Variants in TUSC3 observed in about 807,000 individuals in gnomAD.
TUSC3 encodes tumor suppressor candidate 3.
In TUSC3, 45 loss-of-function variants were observed where a neutral mutation model predicts 44.8. The observed-to-expected ratio is 1.00, with a 90% confidence interval of 0.79 to 1.29. The LOEUF (loss-of-function observed/expected upper bound fraction) is 1.29, where lower values mean the gene tolerates loss of function less well. TUSC3 is among the 50% of genes most tolerant of loss of function. TUSC3 has a pLI of 0.00. For missense variants in TUSC3, 519 were observed against 437.9 expected, an observed-to-expected ratio of 1.19 and a Z score of -1.65; for synonymous variants, 212 against 152.9, an observed-to-expected ratio of 1.39 and a Z score of -2.85.
chr8:15,800,492 G>C, the TUSC3 span, among the ~76,000 whole-genome samples: 1 of 151,838 alleles, frequency 6.6e-6, no homozygotes, highest in African/African-American at 2.4e-5. Context: ...AGGATCACTT[G>C]AGCCTGGGCT....
At chr8:15,503,877 T>C (rs1320304165) in intron 2 of TUSC3, among the ~76,000 whole-genome samples, 1 of 151,862 alleles carries the variant, frequency 6.6e-6, no homozygotes, top group Non-Finnish European at 1.5e-5. Context: ...CAGCTGGGTG[T>C]GGTGGTGCAC....
At chr8:15,532,405 A>G (rs898143811) in intron 2 of TUSC3, among the ~76,000 whole-genome samples, 1 of 152,172 alleles carries the variant, frequency 6.6e-6, no homozygotes, top group East Asian at 1.9e-4. Flanking sequence ...GCAAGTCTCA[A>G]TCATTTTAGG....
At chr8:15,787,785 C>T in the TUSC3 span, among the ~76,000 whole-genome samples, 1 of 152,104 alleles carries the variant, frequency 6.6e-6, no homozygotes, top group African/African-American at 2.4e-5. Flanking sequence ...ACCTGCTTCC[C>T]AGAGGTGATA....
intron 9 of TUSC3, among the ~76,000 whole-genome samples, chr8:15,756,234 A>G (rs12546044): frequency 0.26 from 40,046 of 151,944 alleles, 5,960 homozygotes; most frequent in Non-Finnish European, 0.33. Context: ...TAGTTACTTA[A>G]CTTCCAAGTC....
chr8:15,497,115 T>C (rs1341777390), intron 2 of TUSC3, among the ~76,000 whole-genome samples: 1 of 151,930 alleles, frequency 6.6e-6, no homozygotes, highest in Non-Finnish European at 1.5e-5. Flanking sequence ...TGGAGCAAAG[T>C]AAGAGGAATA....
chr8:15,748,347 A>C, intron 8 of TUSC3, 28 bp from the exon 9 acceptor site: 2 of 1,540,500 alleles, frequency 1.3e-6, no homozygotes, highest in Non-Finnish European at 1.8e-6. Flanking sequence ...ATTTTTAGAC[A>C]CTAATGGTAT....
intron 1 of TUSC3, among the ~76,000 whole-genome samples, chr8:15,569,912 A>G (rs919095709): frequency 6.6e-6 from 1 of 152,012 alleles, no homozygotes; most frequent in Non-Finnish European, 1.5e-5. Context: ...TAATTTTTAA[A>G]TTCAGCATTT....
At chr8:15,788,099 T>G in the TUSC3 span, among the ~76,000 whole-genome samples, 4 of 152,172 alleles carry the variant, frequency 2.6e-5, no homozygotes, top group Non-Finnish European at 5.9e-5. Context: ...GATGAGGGCT[T>G]TAACAGACTA....
intron 1 of TUSC3, among the ~76,000 whole-genome samples, chr8:15,589,426 T>G (rs1276745389): frequency 6.6e-6 from 1 of 152,138 alleles, no homozygotes; most frequent in Non-Finnish European, 1.5e-5. Flanking sequence ...TGGAGCAATT[T>G]TGGTAAATTG....
chr8:15,455,440 T>C (rs983797658), intron 1 of TUSC3, among the ~76,000 whole-genome samples: 8 of 43,666 alleles, frequency 1.8e-4, no homozygotes, highest in African/African-American at 2.9e-4. Context: ...CACGTATATG[T>C]ATACACACCT....
chr8:15,480,553 C>T (rs1800644531), intron 1 of TUSC3, among the ~76,000 whole-genome samples: 1 of 152,144 alleles, frequency 6.6e-6, no homozygotes. Flanking sequence ...TTGATTCTTT[C>T]TTAATTTGTG....
At chr8:15,423,787 C>G (rs1270432842) in intron 1 of TUSC3, among the ~76,000 whole-genome samples, 1 of 151,876 alleles carries the variant, frequency 6.6e-6, no homozygotes, top group Non-Finnish European at 1.5e-5. Context: ...GGAAATTGTC[C>G]TGATATCCAT....
At chr8:15,782,448 G>A in the TUSC3 span, among the ~76,000 whole-genome samples, 1 of 152,080 alleles carries the variant, frequency 6.6e-6, no homozygotes. Context: ...CACTGCACTC[G>A]AGCCTTGGTG....
rs188485031 is a variant in TUSC3, at chr8:15,430,757, A to G, written n.91+13452A>G. 2.8e-4 allele frequency among the ~76,000 whole-genome samples: 42 copies of G among 151,866 alleles called. 1 individual carries two copies. Among genetic ancestry groups the G allele is most frequent in the African/African-American group, 1.0e-3 (42 of 41,142 alleles). ...ATTGTCTCAGCCCAAAATCTCCTTA[A>G]GCTGATAAGCAACTTCAGCAAAATC... On this transcript the variant is annotated intron_variant and non_coding_transcript_variant, in intron 1 of 5. Coordinates refer to the TUSC3 transcript ENST00000503191.
chr8:15,679,004 C>T (rs545878428), intron 6 of TUSC3, among the ~76,000 whole-genome samples: 12 of 152,094 alleles, frequency 7.9e-5, no homozygotes, highest in South Asian at 2.1e-4. Flanking sequence ...TTTAATTCAC[C>T]GTGGATGAGC....
At chr8:15,589,493 G>A (rs1175177910) in intron 1 of TUSC3, among the ~76,000 whole-genome samples, 1 of 151,958 alleles carries the variant, frequency 6.6e-6, no homozygotes, top group East Asian at 1.9e-4. Context: ...GTATAAAGAG[G>A]GGTTTAACAT....
At chr8:15,809,963 T>A in the TUSC3 span, among the ~76,000 whole-genome samples, 4 of 152,200 alleles carry the variant, frequency 2.6e-5, no homozygotes, top group Non-Finnish European at 5.9e-5. Flanking sequence ...AACCTCCTAG[T>A]TAAAATGCAA....
chr8:15,533,427 G>A (rs2129130941), intron 2 of TUSC3, among the ~76,000 whole-genome samples: 1 of 152,332 alleles, frequency 6.6e-6, no homozygotes, highest in Admixed American at 6.5e-5. Flanking sequence ...ATGACTTTGA[G>A]TTCTGTCCTT....
chr8:15,746,919 TG>T lies in TUSC3; in HGVS notation c.938-1455del, dbSNP rs771427637. 8.5e-5 allele frequency among the ~76,000 whole-genome samples: 13 copies of T among 152,212 alleles called. No homozygotes were observed. The East Asian group carries it at 9.6e-4, about 11-fold the overall frequency. ...AGGGATATTCTATAATTTTCAAAAA[TG>T]TTTTTTTTATTTTATGATACTCACA... On this transcript the variant is annotated intron_variant, in intron 8 of 10. Transcript: ENST00000503731.
Sources: allele counts gnomAD v4.1 joint callset (sites outside exome capture counted in the v4.1 genomes callset), GRCh38; gene constraint gnomAD v4.1.1; transcripts MANE v1.5; gene names NCBI Gene and HGNC (gene_info 2026-07-23, HGNC 2026-07-21).